The following TASP1 variants were observed in gnomAD, a reference collection of about 807,000 sequenced individuals.
TASP1 encodes taspase 1.
In TASP1, 16 loss-of-function variants were observed where a neutral mutation model predicts 56.6. That is an observed-to-expected ratio of 0.28 (90% CI 0.19 to 0.43). The LOEUF (loss-of-function observed/expected upper bound fraction) is 0.43, where lower values mean the gene tolerates loss of function less well. TASP1 is among the 20% of genes least tolerant of loss of function. TASP1 has a pLI of 1.00. For missense variants in TASP1, 393 were observed against 511.6 expected (o/e 0.77, Z 2.24); for synonymous variants, 179 against 184.2 (o/e 0.97, Z 0.23).
At chr20:13,135,276 A>C in the TASP1 span, among the ~76,000 whole-genome samples, 1 of 152,218 alleles carries the variant, frequency 6.6e-6, no homozygotes, top group Non-Finnish European at 1.5e-5. Flanking sequence ...TTATCATAGG[A>C]TGACTCATGA....
the TASP1 span, among the ~76,000 whole-genome samples, chr20:13,248,453 T>G: frequency 1.3e-5 from 2 of 152,194 alleles, no homozygotes; most frequent in Non-Finnish European, 2.9e-5. Context: ...ACACCTTGCC[T>G]GACATACTGC....
chr20:13,524,382 T>C (rs2044890305), intron 10 of TASP1, among the ~76,000 whole-genome samples: 1 of 152,144 alleles, frequency 6.6e-6, no homozygotes, highest in Non-Finnish European at 1.5e-5. Context: ...TGTGGCAAAT[T>C]GAATTATATT....
At chr20:13,381,703 G>T in the TASP1 span, among the ~76,000 whole-genome samples, 1 of 152,126 alleles carries the variant, frequency 6.6e-6, no homozygotes, top group African/African-American at 2.4e-5. Context: ...GATAAATTCA[G>T]TTTCTTTGGA....
chr20:13,614,974 C>T (rs1160738619), intron 4 of TASP1: 1 of 319,502 alleles, frequency 3.1e-6, no homozygotes, highest in Non-Finnish European at 6.4e-6. Context: ...TACCTTTTAA[C>T]CATATTGACA....
At chr20:13,268,708 C>G in the TASP1 span, among the ~76,000 whole-genome samples, 1 of 152,136 alleles carries the variant, frequency 6.6e-6, no homozygotes, top group Non-Finnish European at 1.5e-5. Context: ...GGTCTCTGAA[C>G]CAGTGAGTTT....
chr20:13,347,555 T>C, the TASP1 span, among the ~76,000 whole-genome samples: 33 of 152,336 alleles, frequency 2.2e-4, no homozygotes, highest in Admixed American at 5.9e-4. Context: ...GCAAAGTTTA[T>C]TGGCCAGGCA....
intron 11 of TASP1, among the ~76,000 whole-genome samples, chr20:13,463,738 A>G (rs2044145692): frequency 6.6e-6 from 1 of 152,302 alleles, no homozygotes; most frequent in South Asian, 2.1e-4. Context: ...GCCAATAAGC[A>G]CATGAAAAGA....
chr20:13,134,103 C>G, the TASP1 span, among the ~76,000 whole-genome samples: 7 of 152,286 alleles, frequency 4.6e-5, no homozygotes, highest in Non-Finnish European at 7.3e-5. Flanking sequence ...GTCAGGTGTA[C>G]GTACCATGCA....
At chr20:13,353,071 T>C in the TASP1 span, among the ~76,000 whole-genome samples, 1 of 152,070 alleles carries the variant, frequency 6.6e-6, no homozygotes, top group Non-Finnish European at 1.5e-5. Context: ...ATGCTGTATA[T>C]ACAAAAGAAA....
the TASP1 span, among the ~76,000 whole-genome samples, chr20:13,139,991 T>C: frequency 1.3e-5 from 2 of 152,196 alleles, no homozygotes; most frequent in African/African-American, 4.8e-5. Context: ...TGGCAGGTGT[T>C]GCTATCATTG....
chr20:13,460,130 T>C (rs6042128), intron 11 of TASP1, among the ~76,000 whole-genome samples: 68,542 of 151,850 alleles, frequency 0.45, 15,631 homozygotes, highest in Non-Finnish European at 0.47. Flanking sequence ...CCCCTCCACT[T>C]CATCCAAACC....
intron 7 of TASP1, among the ~76,000 whole-genome samples, chr20:13,564,395 T>C (rs949564868): frequency 7.9e-5 from 12 of 152,126 alleles, no homozygotes; most frequent in African/African-American, 2.9e-4. Context: ...GCAAAATACT[T>C]GTATGCTGAA....
At chr20:13,619,547 A>G (rs1343475377) in intron 4 of TASP1, among the ~76,000 whole-genome samples, 1 of 152,150 alleles carries the variant, frequency 6.6e-6, no homozygotes, top group Non-Finnish European at 1.5e-5. Context: ...ATCATGACTC[A>G]CCCAGTTCTA....
the TASP1 span, among the ~76,000 whole-genome samples, chr20:13,122,493 T>G: frequency 6.6e-6 from 1 of 152,202 alleles, no homozygotes; most frequent in Non-Finnish European, 1.5e-5. Flanking sequence ...AAGTCGAGTG[T>G]GGCCTAAGGG....
At chr20:13,523,268 A>G (rs1041095185) in intron 10 of TASP1, among the ~76,000 whole-genome samples, 2 of 152,188 alleles carry the variant, frequency 1.3e-5, no homozygotes, top group Admixed American at 6.5e-5. Flanking sequence ...TGCCTGTGAC[A>G]CACAGAGTAC....
the TASP1 span, among the ~76,000 whole-genome samples, chr20:13,195,399 G>A: frequency 3.3e-5 from 5 of 152,144 alleles, no homozygotes; most frequent in Admixed American, 1.3e-4. Flanking sequence ...CTCTGCCCGT[G>A]TGGAAGTCAA....
the TASP1 span, among the ~76,000 whole-genome samples, chr20:13,225,120 T>C: frequency 6.6e-6 from 1 of 152,094 alleles, no homozygotes; most frequent in Non-Finnish European, 1.5e-5. Flanking sequence ...CCCAAAGTGC[T>C]GGGATTACAG....
At chr20:13,279,988 A>G in the TASP1 span, 246 of 1,289,426 alleles carry the variant, frequency 1.9e-4, no homozygotes, top group Middle Eastern at 1.9e-3. Context: ...CCCTGCTTAG[A>G]GCATGTGGCT....
At chr20:13,612,491 AACAC>A (rs34343791) in intron 4 of TASP1, among the ~76,000 whole-genome samples, 215 of 144,064 alleles carry the variant, frequency 1.5e-3, no homozygotes, top group East Asian at 3.5e-3. Flanking sequence ...ATTTGTAGCA[AACAC>A]ACACACACAC....
Sources: allele counts gnomAD v4.1 joint callset (sites outside exome capture counted in the v4.1 genomes callset), GRCh38; gene constraint gnomAD v4.1.1; transcripts MANE v1.5; gene names NCBI Gene and HGNC (gene_info 2026-07-23, HGNC 2026-07-21).